RNF13: variants seen among roughly 807,000 people sequenced by gnomAD.
RNF13 encodes E3 ubiquitin-protein ligase RNF13.
RNF13 carries 19 observed loss-of-function variants against 37.7 expected under a neutral mutation model. That is an observed-to-expected ratio of 0.50 (90% confidence interval 0.35 to 0.74). The LOEUF (loss-of-function observed/expected upper bound fraction) is 0.74. RNF13 is among the 30% of genes least tolerant of loss of function. RNF13 has a pLI of 0.01. For synonymous variants in RNF13, 144 were observed against 157.8 expected, an observed-to-expected ratio of 0.91 and a Z score of 0.65; for missense variants, 375 against 453.0, an observed-to-expected ratio of 0.83 and a Z score of 1.56.
chr3:149,887,357 A>G (rs905721230), intron 4 of RNF13, among the ~76,000 whole-genome samples: 3 of 152,222 alleles, frequency 2.0e-5, no homozygotes, highest in African/African-American at 7.2e-5. Context: ...ACCGATACCT[A>G]TAGAATGTTC....
intron 1 of RNF13, among the ~76,000 whole-genome samples, chr3:149,828,329 CAAAA>C (rs1309577656): frequency 6.6e-6 from 1 of 152,156 alleles, no homozygotes; most frequent in Non-Finnish European, 1.5e-5. Flanking sequence ...GTGCCTAGCA[CAAAA>C]TTAAGTTTTC....
At chr3:149,850,972 T>C (rs955186631) in intron 2 of RNF13, among the ~76,000 whole-genome samples, 14 of 152,204 alleles carry the variant, frequency 9.2e-5, no homozygotes, top group Admixed American at 4.6e-4. Context: ...TTACCACATA[T>C]ACTTGATGGC....
At chr3:149,919,194 A>C (rs1717864728) in intron 7 of RNF13, among the ~76,000 whole-genome samples, 1 of 152,222 alleles carries the variant, frequency 6.6e-6, no homozygotes, top group African/African-American at 2.4e-5. Flanking sequence ...TTTAAATTGT[A>C]CACTTTGGTA....
intron 3 of RNF13, among the ~76,000 whole-genome samples, chr3:149,853,618 CCTT>C (rs1723359757): frequency 6.6e-6 from 1 of 151,294 alleles, no homozygotes; most frequent in Admixed American, 6.6e-5. Context: ...TCAGATTATC[CCTT>C]CTTCAGTTTT....
intron 1 of RNF13, among the ~76,000 whole-genome samples, chr3:149,835,895 TGCTG>T (rs1355160278): frequency 7.7e-6 from 1 of 129,708 alleles, no homozygotes; most frequent in African/African-American, 2.9e-5. Flanking sequence ...GTACTGGGAT[TGCTG>T]GATTCCCAGT....
intron 3 of RNF13, among the ~76,000 whole-genome samples, chr3:149,869,547 A>G (rs371639265): frequency 6.6e-6 from 1 of 151,294 alleles, no homozygotes; most frequent in African/African-American, 2.4e-5. Context: ...CGGAGCTTGC[A>G]GTGAGCCGAG....
chr3:149,840,959 A>G (rs1293616447), intron 1 of RNF13, among the ~76,000 whole-genome samples: 1 of 152,264 alleles, frequency 6.6e-6, no homozygotes, highest in African/African-American at 2.4e-5. Flanking sequence ...AGTGTCACAT[A>G]TGAAAGGAAC....
At chr3:149,907,597 T>C (rs1716555900) in intron 6 of RNF13, among the ~76,000 whole-genome samples, 1 of 152,192 alleles carries the variant, frequency 6.6e-6, no homozygotes, top group Non-Finnish European at 1.5e-5. Context: ...CCATCACTTG[T>C]TAGCTGTGTG....
chr3:149,954,701 A>G (rs989139009), intron 8 of RNF13, among the ~76,000 whole-genome samples: 7 of 152,212 alleles, frequency 4.6e-5, no homozygotes, highest in Non-Finnish European at 8.8e-5. Context: ...AAGTTCTTTC[A>G]GAAATGTTCA....
chr3:149,836,954 CAG>C (rs1721685350), intron 1 of RNF13, among the ~76,000 whole-genome samples: 1 of 152,130 alleles, frequency 6.6e-6, no homozygotes, highest in Non-Finnish European at 1.5e-5. Context: ...TTTATAGAAA[CAG>C]AAAATAAAAT....
At position 149,924,014 on chromosome 3, in the gene RNF13, T is replaced by A. The variant is rs527432570; in HGVS notation, c.700+2787T>A. On this transcript the variant is annotated intron_variant, in intron 8 of 9. Transcript: ENST00000392894. ...GAAAGTTATTGTAGTAATTCAGGTG[T>A]GATATAAATGTGGCTTGGGGTGATA... Among the ~76,000 whole-genome samples, 8 of 152,222 alleles carry A rather than the reference T, an allele frequency of 5.3e-5. No homozygotes were observed. The South Asian group carries it at 1.7e-3, about 32-fold the overall frequency.
intron 1 of RNF13, among the ~76,000 whole-genome samples, chr3:149,837,940 A>G (rs906302629): frequency 2.6e-5 from 4 of 152,168 alleles, no homozygotes; most frequent in East Asian, 1.9e-4. Context: ...TCAAAAGCCA[A>G]TCAGTCACTT....
chr3:149,892,843 A>G (rs942993017), intron 4 of RNF13, among the ~76,000 whole-genome samples: 1 of 152,218 alleles, frequency 6.6e-6, no homozygotes, highest in African/African-American at 2.4e-5. Flanking sequence ...TATGACATGT[A>G]TATGTGTAAG....
At chr3:149,881,558 T>C (rs949330269) in intron 4 of RNF13, among the ~76,000 whole-genome samples, 3 of 152,158 alleles carry the variant, frequency 2.0e-5, no homozygotes, top group Non-Finnish European at 1.5e-5. Context: ...CTCGAACCCC[T>C]GACCTCAAGT....
At chr3:149,884,029 T>C (rs1713729261) in intron 4 of RNF13, among the ~76,000 whole-genome samples, 1 of 152,196 alleles carries the variant, frequency 6.6e-6, no homozygotes, top group Non-Finnish European at 1.5e-5. Context: ...AAGGACATGA[T>C]CTCGTTCCTT....
intron 8 of RNF13, among the ~76,000 whole-genome samples, chr3:149,952,128 ATAC>A (rs1721403408): frequency 6.6e-6 from 1 of 152,210 alleles, no homozygotes; most frequent in Non-Finnish European, 1.5e-5. Context: ...GCAGTATATA[ATAC>A]TCATTTCATC....
chr3:149,895,467 TTG>T lies in RNF13; in HGVS notation c.322-5_322-4del. 6.5e-7 allele frequency: 1 copy of T among 1,527,560 alleles called. No homozygotes were observed. The highest frequency in any genetic ancestry group is 8.9e-7 in the Non-Finnish European group (1 of 1,126,348). 94.6% of individuals were successfully genotyped at this position (1,527,560 alleles called of 1,614,324 possible). ...ATAATTTTTTTTTTTTTTTTTTGCT[TTG>T]CAGGTTTTAAATGCACAGAGAGCAG... On this transcript the variant is annotated splice_region_variant and splice_polypyrimidine_tract_variant and intron_variant, in intron 4 of 9. Coordinates refer to ENST00000392894, the MANE Select transcript of RNF13 (RefSeq NM_183381.3).
chr3:149,868,559 C>A (rs527727314), intron 3 of RNF13, among the ~76,000 whole-genome samples: 1 of 151,350 alleles, frequency 6.6e-6, no homozygotes, highest in East Asian at 1.9e-4. Flanking sequence ...TTATTCCGAT[C>A]CTCTCCACTC....
At chr3:149,828,761 C>T (rs914602677) in intron 1 of RNF13, among the ~76,000 whole-genome samples, 27 of 152,114 alleles carry the variant, frequency 1.8e-4, no homozygotes, top group African/African-American at 6.5e-4. Flanking sequence ...TGGTACGCCA[C>T]TTACCAATCT....
Sources: allele counts gnomAD v4.1 joint callset (sites outside exome capture counted in the v4.1 genomes callset), GRCh38; gene constraint gnomAD v4.1.1; transcripts MANE v1.5; gene names NCBI Gene and HGNC (gene_info 2026-07-23, HGNC 2026-07-21).